ENAH: variants seen among roughly 807,000 people sequenced by gnomAD.
The protein encoded by ENAH is protein enabled homolog.
In ENAH, 23 loss-of-function variants were observed where a neutral mutation model predicts 78.7. That is an observed-to-expected ratio of 0.29 (90% CI 0.21 to 0.41). The LOEUF (loss-of-function observed/expected upper bound fraction) is 0.41. Among genes scored for constraint, ENAH ranks in the 10% least tolerant of loss-of-function variants. The pLI is 1.00. For synonymous variants in ENAH, 226 were observed against 241.0 expected, an observed-to-expected ratio of 0.94 and a Z score of 0.58; for missense variants, 544 against 691.0, an observed-to-expected ratio of 0.79 and a Z score of 2.39.
intron 1 of ENAH, among the ~76,000 whole-genome samples, chr1:225,586,081 CT>C (rs1432330234): frequency 6.6e-6 from 1 of 151,054 alleles, no homozygotes; most frequent in South Asian, 2.1e-4. Flanking sequence ...CCAGGCATGG[CT>C]GCGTGCACCC....
chr1:225,558,754 C>T (rs1392160157), intron 2 of ENAH, among the ~76,000 whole-genome samples: 1 of 151,680 alleles, frequency 6.6e-6, no homozygotes, highest in Non-Finnish European at 1.5e-5. Context: ...CTGCCTCAGC[C>T]TCCCGAGTAG....
At chr1:225,563,253 T>C (rs1325983183) in intron 2 of ENAH, among the ~76,000 whole-genome samples, 1 of 152,172 alleles carries the variant, frequency 6.6e-6, no homozygotes, top group African/African-American at 2.4e-5. Context: ...GCTGTTTCTT[T>C]CTTATCAATT....
chr1:225,609,656 ATTTTTTTTTTTTTTT>A (rs59508510), intron 1 of ENAH, among the ~76,000 whole-genome samples: 11 of 76,484 alleles, frequency 1.4e-4, no homozygotes, highest in African/African-American at 2.1e-4. Flanking sequence ...GGAAAAATGG[ATTTTTTTTTTTTTTT>A]TTTTTTTTTT....
intron 1 of ENAH, among the ~76,000 whole-genome samples, chr1:225,607,281 G>A (rs1558897672): frequency 1.3e-5 from 2 of 152,096 alleles, no homozygotes; most frequent in South Asian, 2.1e-4. Context: ...GAAAGTTTAC[G>A]AATTTGTGTT....
At chr1:225,525,205 T>C (rs1314851722) in intron 4 of ENAH, among the ~76,000 whole-genome samples, 2 of 152,214 alleles carry the variant, frequency 1.3e-5, no homozygotes, top group Admixed American at 1.3e-4. Flanking sequence ...CTTCCTACTA[T>C]ACAAATGATT....
intron 1 of ENAH, among the ~76,000 whole-genome samples, chr1:225,613,837 G>A (rs1372045096): frequency 6.6e-6 from 1 of 152,110 alleles, no homozygotes; most frequent in East Asian, 1.9e-4. Flanking sequence ...ACTCAATTCT[G>A]ACACTATGTG....
At chr1:225,522,773 G>T (rs999324627) in intron 4 of ENAH, among the ~76,000 whole-genome samples, 2 of 151,958 alleles carry the variant, frequency 1.3e-5, no homozygotes, top group African/African-American at 4.8e-5. Flanking sequence ...TGGGCCCAAA[G>T]GGCAAAAGAT....
chr1:225,505,279 T>TTATA (rs2096317510), intron 11 of ENAH, among the ~76,000 whole-genome samples: 1 of 152,204 alleles, frequency 6.6e-6, no homozygotes, highest in Non-Finnish European at 1.5e-5. Flanking sequence ...AATGGCTACT[T>TTATA]TTTATATAGG....
intron 3 of ENAH, among the ~76,000 whole-genome samples, chr1:225,547,278 G>A (rs1174660749): frequency 6.6e-6 from 1 of 151,986 alleles, no homozygotes; most frequent in East Asian, 1.9e-4. Context: ...CACCATGTTG[G>A]TCAGGCTGGT....
At chr1:225,598,831 A>G (rs1368175325) in intron 1 of ENAH, among the ~76,000 whole-genome samples, 2 of 151,370 alleles carry the variant, frequency 1.3e-5, no homozygotes, top group Non-Finnish European at 2.9e-5. Flanking sequence ...TAAAACTACT[A>G]TAATAATATT....
At chr1:225,614,923 C>A (rs1379078951) in intron 1 of ENAH, among the ~76,000 whole-genome samples, 1 of 152,186 alleles carries the variant, frequency 6.6e-6, no homozygotes, top group Non-Finnish European at 1.5e-5. Flanking sequence ...TACCTCTATT[C>A]CACAACCTCA....
chr1:225,563,665 C>A (rs2096720032), intron 2 of ENAH, among the ~76,000 whole-genome samples: 1 of 152,158 alleles, frequency 6.6e-6, no homozygotes. Context: ...TTACTCATTA[C>A]TACATTTGGT....
intron 1 of ENAH, among the ~76,000 whole-genome samples, chr1:225,610,255 T>C (rs2769689): frequency 0.73 from 110,806 of 151,790 alleles, 40,453 homozygotes; most frequent in South Asian, 0.79. Flanking sequence ...GATTTTCTTA[T>C]GTAACTTTCA....
intron 1 of ENAH, among the ~76,000 whole-genome samples, chr1:225,629,713 C>G (rs914917490): frequency 1.3e-5 from 2 of 151,974 alleles, no homozygotes; most frequent in Non-Finnish European, 2.9e-5. Context: ...AAAAACTCAT[C>G]CCTATTCATC....
chr1:225,614,993 G>A (rs571138424), intron 1 of ENAH, among the ~76,000 whole-genome samples: 53 of 150,294 alleles, frequency 3.5e-4, no homozygotes, highest in Admixed American at 1.1e-3. Flanking sequence ...CCCTCTCCCC[G>A]GTCTCCCTCT....
At position 225,501,018 on chromosome 1, in the gene ENAH, C is replaced by G; in HGVS notation, c.1591G>C (p.Gly531Arg). 1 of 1,614,142 alleles carries G rather than the reference C, an allele frequency of 6.2e-7. No homozygotes were observed. The highest frequency in any genetic ancestry group is 8.5e-7 in the Non-Finnish European group (1 of 1,180,020). ...QPSANGVQTE[G>R]LDYDRLKQDI... ...TGCTTCAGCCTGTCATAGTCAAGTCCTTCCGTCTGGACTCCATTGGCACTG... is the reference window on the plus strand; with the variant it reads ...TGCTTCAGCCTGTCATAGTCAAGTCGTTCCGTCTGGACTCCATTGGCACTG... Residue 531 changes from glycine (G) to arginine (R), a missense_variant, in exon 12 of 14, where the codon GGA (glycine) becomes CGA (arginine). Physicochemically the swap from Gly to Arg is moderately radical, Grantham distance 125. Transcript: ENST00000366843.
At chr1:225,526,427 C>A (rs957224774) in intron 4 of ENAH, among the ~76,000 whole-genome samples, 1 of 151,880 alleles carries the variant, frequency 6.6e-6, no homozygotes, top group Non-Finnish European at 1.5e-5. Context: ...CGACCTTGGC[C>A]TCCCGGGTTC....
rs536281462 is a variant in ENAH, at chr1:225,615,954, A to C, written c.5+36732T>G. On this transcript the variant is annotated intron_variant, in intron 1 of 13. Coordinates refer to ENST00000366843, the MANE Select transcript of ENAH (RefSeq NM_018212.6). ...ACTGTGTCTGTGTAGAAAGAAGCAG[A>C]CATAGGAGACTCCATTTTGTTCTGT... 9.2e-5 allele frequency among the ~76,000 whole-genome samples: 14 copies of C among 152,356 alleles called. No individual in the cohort carries two copies. In the East Asian group the frequency reaches 2.7e-3, roughly 29 times the overall value.
intron 1 of ENAH, among the ~76,000 whole-genome samples, chr1:225,596,528 GA>G (rs1221786507): frequency 6.6e-6 from 1 of 151,990 alleles, no homozygotes; most frequent in Non-Finnish European, 1.5e-5. Context: ...AGGAGGAAGG[GA>G]AAAAAACTGG....
Sources: allele counts gnomAD v4.1 joint callset (sites outside exome capture counted in the v4.1 genomes callset), GRCh38; gene constraint gnomAD v4.1.1; transcripts MANE v1.5; gene names NCBI Gene and HGNC (gene_info 2026-07-23, HGNC 2026-07-21).